Variants in AUTS2 observed in about 807,000 individuals in gnomAD.
AUTS2 encodes activator of transcription and developmental regulator AUTS2.
In AUTS2, 17 loss-of-function variants were observed where a neutral mutation model predicts 112.4. The ratio of observed to expected loss-of-function variants is 0.15; its 90% CI spans 0.10 to 0.23. The LOEUF is 0.23. AUTS2 is among the 10% of genes least tolerant of loss of function. The pLI is 1.00. For missense variants in AUTS2, 1,510 were observed against 1,701.6 expected (o/e 0.89, Z 1.98); for synonymous variants, 751 against 702.7 (o/e 1.07, Z -1.09).
chr7:70,529,189 A>G lies in AUTS2; in HGVS notation c.690+93408A>G, dbSNP rs562595637. Reference sequence around the variant, plus strand: ...ACACTGCAAACTGAACTACTTTGCAATTCTCTCCAAATTCTGTCTTCACCA... The same window carrying G: ...ACACTGCAAACTGAACTACTTTGCAGTTCTCTCCAAATTCTGTCTTCACCA... On this transcript the variant is annotated intron_variant, in intron 5 of 18. Transcript: ENST00000342771. Among the ~76,000 whole-genome samples the G allele has an allele frequency of 2.2e-4, 34 of 152,354 alleles. No individual in the cohort carries two copies. The South Asian group carries it at 6.6e-3, about 30-fold the overall frequency.
intron 6 of AUTS2, among the ~76,000 whole-genome samples, chr7:70,754,796 G>A (rs1015190877): frequency 2.7e-5 from 4 of 146,150 alleles, no homozygotes; most frequent in African/African-American, 1.1e-4. Context: ...AAAAAGATAC[G>A]GATGAATGGA....
intron 5 of AUTS2, among the ~76,000 whole-genome samples, chr7:70,598,655 G>A (rs1436336053): frequency 1.3e-5 from 2 of 152,160 alleles, no homozygotes; most frequent in Non-Finnish European, 2.9e-5. Flanking sequence ...GTTGCCCAAG[G>A]CTACCCTAAG....
At chr7:70,438,673 C>A (rs953173295) in intron 5 of AUTS2, among the ~76,000 whole-genome samples, 1 of 152,186 alleles carries the variant, frequency 6.6e-6, no homozygotes, top group Admixed American at 6.5e-5. Flanking sequence ...TCTGCTCTGT[C>A]GGAGCCTGGG....
rs1789087314 is a variant in AUTS2, at chr7:70,754,770, T to A, written c.743-8100T>A. ...ATAGGACATGTCTCTTTCTAAGTCA[T>A]AAGGATTAGATATTCAAAAAGATAC... On this transcript the variant is annotated intron_variant, in intron 6 of 18. Coordinates refer to ENST00000342771, the MANE Select transcript of AUTS2 (RefSeq NM_015570.4). 4.6e-5 allele frequency among the ~76,000 whole-genome samples: 7 copies of A among 152,258 alleles called. No homozygotes were observed. In the South Asian group the frequency reaches 1.5e-3, roughly 32 times the overall value.
intron 2 of AUTS2, among the ~76,000 whole-genome samples, chr7:70,043,888 C>T (rs914471450): frequency 1.3e-5 from 2 of 151,850 alleles, no homozygotes; most frequent in South Asian, 2.1e-4. Flanking sequence ...GGATTACAGG[C>T]GTGAGCCACT....
chr7:70,470,662 G>T (rs1396146497), intron 5 of AUTS2, among the ~76,000 whole-genome samples: 1 of 152,162 alleles, frequency 6.6e-6, no homozygotes, highest in Non-Finnish European at 1.5e-5. Context: ...TGGACACAAT[G>T]CAGTCTGATA....
intron 4 of AUTS2, among the ~76,000 whole-genome samples, chr7:70,182,008 C>G (rs1328059942): frequency 1.4e-5 from 2 of 147,692 alleles, no homozygotes; most frequent in Admixed American, 6.8e-5. Context: ...TCGTGTTAGC[C>G]AGGATGGTCT....
intron 2 of AUTS2, among the ~76,000 whole-genome samples, chr7:69,904,945 A>G (rs1295046915): frequency 1.3e-5 from 2 of 152,158 alleles, no homozygotes; most frequent in Admixed American, 6.5e-5. Flanking sequence ...AAGAACCCCA[A>G]TCTAGGCTTG....
chr7:70,602,774 G>T (rs980913776), intron 5 of AUTS2, among the ~76,000 whole-genome samples: 20 of 152,160 alleles, frequency 1.3e-4, no homozygotes, highest in African/African-American at 4.8e-4. Flanking sequence ...GAGTGGATCA[G>T]GACATTTGTG....
intron 5 of AUTS2, among the ~76,000 whole-genome samples, chr7:70,566,028 C>T (rs1469089431): frequency 1.3e-5 from 2 of 152,202 alleles, no homozygotes; most frequent in Admixed American, 6.5e-5. Flanking sequence ...CGTGCTGCCA[C>T]TTAAGTACTG....
intron 5 of AUTS2, among the ~76,000 whole-genome samples, chr7:70,689,775 CAAAAAAAAA>C (rs60869776): frequency 1.6e-4 from 12 of 74,704 alleles, no homozygotes; most frequent in Non-Finnish European, 3.1e-4. Flanking sequence ...GACTCCGTCT[CAAAAAAAAA>C]AAAAAAAAAA....
At chr7:69,772,037 G>T (rs1425010795) in intron 1 of AUTS2, among the ~76,000 whole-genome samples, 2 of 151,962 alleles carry the variant, frequency 1.3e-5, no homozygotes, top group East Asian at 1.9e-4. Context: ...TGCCTGCCTC[G>T]CCCTCCCAAA....
rs1365468674 is a variant in AUTS2, at chr7:69,891,812, G to A, written c.310-7474G>A. 2.6e-3 allele frequency among the ~76,000 whole-genome samples: 26 copies of A among 9,890 alleles called. No individual in the cohort carries two copies. The East Asian group carries it at 0.1, about 38-fold the overall frequency. 6.5% of individuals were successfully genotyped at this position (9,890 alleles called of 152,430 possible). ...TTTTTTTTTTTTTTTTTTTTTTTTTGAGATGGAGTATCTCTCTGTCATCCA... is the reference window on the plus strand; with the variant it reads ...TTTTTTTTTTTTTTTTTTTTTTTTTAAGATGGAGTATCTCTCTGTCATCCA... On this transcript the variant is annotated intron_variant, in intron 1 of 18. Coordinates refer to ENST00000342771, the MANE Select transcript of AUTS2 (RefSeq NM_015570.4).
chr7:69,625,085 T>G (rs917957694), intron 1 of AUTS2, among the ~76,000 whole-genome samples: 1 of 152,154 alleles, frequency 6.6e-6, no homozygotes, highest in Non-Finnish European at 1.5e-5. Flanking sequence ...AGTGCCCAAG[T>G]GTATGGATAA....
Position 70,785,038 on chromosome 7 carries a change from T to C in AUTS2, c.2224+19T>C, listed in dbSNP as rs375051158. On this transcript the variant is annotated intron_variant, in intron 16 of 18. Transcript: ENST00000342771. ...CACCTAGGTGAGTCGCCCAAAATAA[T>C]GGGAACTGAGATGTGTGCTTCAGGC... The C allele has an allele frequency of 3.6e-5, 58 of 1,612,974 alleles. No individual in the cohort carries two copies. The African/African-American group carries it at 5.3e-4, about 15-fold the overall frequency.
intron 1 of AUTS2, among the ~76,000 whole-genome samples, chr7:69,706,833 A>G (rs1483609889): frequency 2.0e-5 from 3 of 152,226 alleles, no homozygotes; most frequent in Non-Finnish European, 1.5e-5. Flanking sequence ...CTTGTGTTGT[A>G]TTGTGTGATG....
At position 70,073,340 on chromosome 7, in the gene AUTS2, G is replaced by A. The variant is rs1451095657; in HGVS notation, c.523-44792G>A. ...AGCCTGACCAACATGGTGAAACCCC[G>A]TCTCTACTAAAAATACAGGAATTAG... On this transcript the variant is annotated intron_variant, in intron 2 of 18. Transcript: ENST00000342771. 4.0e-5 allele frequency among the ~76,000 whole-genome samples: 6 copies of A among 151,614 alleles called. 1 individual carries two copies. The East Asian group carries it at 7.8e-4, about 20-fold the overall frequency.
At chr7:70,326,485 C>G (rs1373629106) in intron 4 of AUTS2, among the ~76,000 whole-genome samples, 1 of 152,204 alleles carries the variant, frequency 6.6e-6, no homozygotes, top group African/African-American at 2.4e-5. Flanking sequence ...ACCTAATTTC[C>G]CAGTGACCTC....
rs558777297 is a variant in AUTS2, at chr7:70,308,335, T to C, written c.661-127417T>C. Among the ~76,000 whole-genome samples the C allele has an allele frequency of 1.8e-4, 28 of 152,314 alleles. No individual in the cohort carries two copies. In the South Asian group the frequency reaches 5.8e-3, roughly 32 times the overall value. ...TCTGCCATCAGCATTTCTGGGGATGTACTAGGAAAATGGAAGGAACATACC... is the reference window on the plus strand; with the variant it reads ...TCTGCCATCAGCATTTCTGGGGATGCACTAGGAAAATGGAAGGAACATACC... On this transcript the variant is annotated intron_variant, in intron 4 of 18. Transcript: ENST00000342771.
Sources: allele counts gnomAD v4.1 joint callset (sites outside exome capture counted in the v4.1 genomes callset), GRCh38; gene constraint gnomAD v4.1.1; transcripts MANE v1.5; gene names NCBI Gene and HGNC (gene_info 2026-07-23, HGNC 2026-07-21).